MRPL22: variants seen among roughly 807,000 people sequenced by gnomAD.
MRPL22 encodes mitochondrial ribosomal protein L22, also known as large ribosomal subunit protein uL22m.
Under a neutral mutation model 32.4 loss-of-function variants are expected in MRPL22, and 27 were observed. That is an observed-to-expected ratio of 0.83 (90% confidence interval 0.61 to 1.15). MRPL22 has a LOEUF of 1.15. MRPL22 is among the 50% of genes most tolerant of loss of function. The probability of loss-of-function intolerance (pLI) is 0.00; values close to 1 mark genes in which losing one functional copy is unlikely to be tolerated. For synonymous variants in MRPL22, 86 were observed against 87.3 expected, an observed-to-expected ratio of 0.99 and a Z score of 0.08; for missense variants, 239 against 260.2, an observed-to-expected ratio of 0.92 and a Z score of 0.56.
In MRPL22 at chr5:154,956,423, A is replaced by T. The variant is rs1371080320; in HGVS notation, c.248A>T (p.Tyr83Phe). ...QIKYSKDKMW[Y>F]LAKLIRGMSI... ...AAATATAGCAAAGACAAGATGTGGTATTTGGCAAAATTGGTAAGCTGCAAT... is the reference window on the plus strand; with the variant it reads ...AAATATAGCAAAGACAAGATGTGGTTTTTGGCAAAATTGGTAAGCTGCAAT... Residue 83 changes from tyrosine (Y) to phenylalanine (F), a missense_variant, in exon 4 of 7, where the codon TAT (tyrosine) becomes TTT (phenylalanine). Physicochemically the swap from Tyr to Phe is conservative, Grantham distance 22 (BLOSUM62 3). Coordinates refer to ENST00000523037, the MANE Select transcript of MRPL22 (RefSeq NM_014180.4). 6.2e-7 allele frequency: 1 copy of T among 1,606,520 alleles called. No individual in the cohort carries two copies. Among genetic ancestry groups the T allele is most frequent in the East Asian group, 2.2e-5 (1 of 44,770 alleles).
At chr5:154,951,710 T>G (rs944319990) in intron 3 of MRPL22, among the ~76,000 whole-genome samples, 6 of 151,974 alleles carry the variant, frequency 3.9e-5, no homozygotes, top group Non-Finnish European at 7.4e-5. Context: ...CTAATTTTTG[T>G]ATTTTTAGTA....
intron 2 of MRPL22, among the ~76,000 whole-genome samples, chr5:154,949,337 A>G (rs748202845): frequency 3.0e-4 from 45 of 152,182 alleles, no homozygotes; most frequent in Non-Finnish European, 5.3e-4. Context: ...CTGAAAAAAA[A>G]GGATAGCATT....
chr5:154,950,305 G>T (rs1004884457), intron 2 of MRPL22, among the ~76,000 whole-genome samples: 1 of 152,188 alleles, frequency 6.6e-6, no homozygotes, highest in Non-Finnish European at 1.5e-5. Flanking sequence ...TTGAAGATGA[G>T]ATTTGGGTGG....
chr5:154,949,889 C>T (rs974461535), intron 2 of MRPL22, among the ~76,000 whole-genome samples: 52 of 152,334 alleles, frequency 3.4e-4, no homozygotes, highest in Non-Finnish European at 6.8e-4. Context: ...AACAAATTCT[C>T]TGACTCAGTC....
Position 154,968,748 on chromosome 5 carries a change from A to T in MRPL22, c.*1851A>T, listed in dbSNP as rs973538917. 6.6e-6 allele frequency: 1 copy of T among 152,204 alleles called. No individual in the cohort carries two copies. The highest frequency in any genetic ancestry group is 2.4e-5 in the African/African-American group (1 of 41,430). The allele number at this position is 152,204 out of a possible 1,614,324, so 9.4% of individuals were successfully genotyped here. A position where few individuals can be genotyped will look rare whatever the true frequency, so the allele number is the denominator to read the frequency against. On this transcript the variant is annotated 3_prime_UTR_variant, in exon 7 of 7. Transcript: ENST00000523037. ...ACTAAAGCCAGGTGGTGCCATGGAC[A>T]TCATAAATATAAATTATGTAAGTGA...
chr5:154,947,821 C>G (rs189028053), intron 2 of MRPL22, among the ~76,000 whole-genome samples: 3 of 152,036 alleles, frequency 2.0e-5, no homozygotes, highest in Non-Finnish European at 4.4e-5. Context: ...TAAGACAACG[C>G]GAGAATCATG....
intron 5 of MRPL22, among the ~76,000 whole-genome samples, chr5:154,958,538 CTTTTTTTTTT>C (rs201113350): frequency 1.2e-5 from 1 of 83,298 alleles, no homozygotes; most frequent in African/African-American, 4.5e-5. Flanking sequence ...TGACAATTGT[CTTTTTTTTTT>C]TTTTTTTTTT....
chr5:154,957,897 TTATTACATA>T (rs1253278399), intron 5 of MRPL22, among the ~76,000 whole-genome samples: 3 of 151,712 alleles, frequency 2.0e-5, no homozygotes, highest in Non-Finnish European at 4.4e-5. Flanking sequence ...TATTCTTTTT[TTATTACATA>T]TATTTTTCTT....
At chr5:154,965,583 A>G (rs1764756545) in intron 6 of MRPL22, among the ~76,000 whole-genome samples, 1 of 151,752 alleles carries the variant, frequency 6.6e-6, no homozygotes, top group Admixed American at 6.6e-5. Flanking sequence ...CACCACCACA[A>G]CTGGCTAATT....
chr5:154,947,485 C>G (rs1764507063), intron 2 of MRPL22, among the ~76,000 whole-genome samples: 1 of 152,172 alleles, frequency 6.6e-6, no homozygotes, highest in Admixed American at 6.5e-5. Flanking sequence ...AAATGATACA[C>G]TAGAATAGAT....
intron 2 of MRPL22, among the ~76,000 whole-genome samples, chr5:154,941,637 C>T (rs753052996): frequency 3.3e-5 from 5 of 152,198 alleles, no homozygotes; most frequent in African/African-American, 4.8e-5. Flanking sequence ...TTACGTCGTA[C>T]CTGACATTGT....
At chr5:154,959,829 T>C (rs1764678589) in intron 5 of MRPL22, 151 bp from the exon 6 acceptor site, 1 of 602,906 alleles carries the variant, frequency 1.7e-6, no homozygotes, top group Non-Finnish European at 2.9e-6. Context: ...CCTTCTCCTT[T>C]GTACTCTTAT....
intron 3 of MRPL22, among the ~76,000 whole-genome samples, chr5:154,953,781 G>T (rs1179561815): frequency 6.7e-6 from 1 of 149,898 alleles, no homozygotes; most frequent in Non-Finnish European, 1.5e-5. Flanking sequence ...CCACCTCCTG[G>T]ACTCAAGCTA....
chr5:154,945,192 TG>T (rs1005583364), intron 2 of MRPL22, among the ~76,000 whole-genome samples: 1 of 152,122 alleles, frequency 6.6e-6, no homozygotes, highest in African/African-American at 2.4e-5. Flanking sequence ...GAGATCATGG[TG>T]GCTTGGATTA....
intron 6 of MRPL22, among the ~76,000 whole-genome samples, chr5:154,960,509 GT>G (rs1764687853): frequency 6.6e-6 from 1 of 152,156 alleles, no homozygotes; most frequent in South Asian, 2.1e-4. Flanking sequence ...AAAATGGAAG[GT>G]CTGTTGAATT....
At chr5:154,946,269 C>G (rs1361085871) in intron 2 of MRPL22, among the ~76,000 whole-genome samples, 1 of 151,960 alleles carries the variant, frequency 6.6e-6, no homozygotes, top group Non-Finnish European at 1.5e-5. Context: ...TTAGGAGAGG[C>G]CTTATAGATG....
intron 2 of MRPL22, among the ~76,000 whole-genome samples, chr5:154,945,772 G>A (rs1019900390): frequency 1.3e-5 from 2 of 152,190 alleles, no homozygotes; most frequent in African/African-American, 4.8e-5. Context: ...GAGATACTTA[G>A]GTCACTCTCA....
chr5:154,958,770 C>T (rs1048503406), intron 5 of MRPL22, among the ~76,000 whole-genome samples: 1 of 151,952 alleles, frequency 6.6e-6, no homozygotes, highest in South Asian at 2.1e-4. Flanking sequence ...TGGTCTCAAT[C>T]TCTTGACCTC....
chr5:154,960,801 G>C (rs558766810), intron 6 of MRPL22, among the ~76,000 whole-genome samples: 1 of 152,240 alleles, frequency 6.6e-6, no homozygotes, highest in African/African-American at 2.4e-5. Context: ...GCAGTGGTTG[G>C]AGTTATTATT....
Sources: gnomAD v4.1 joint callset for allele counts (sites outside exome capture counted in the v4.1 genomes callset) on GRCh38, gnomAD v4.1.1 for gene constraint, MANE v1.5 for transcripts, NCBI Gene and HGNC (gene_info 2026-07-23, HGNC 2026-07-21) for gene names.